Variants in KCNH7 observed in about 807,000 individuals in gnomAD.
KCNH7 encodes the protein voltage-gated inwardly rectifying potassium channel KCNH7.
In KCNH7, 49 loss-of-function variants were observed where a neutral mutation model predicts 120.8. The observed-to-expected ratio is 0.41, with a 90% CI of 0.32 to 0.51. The LOEUF is 0.51. KCNH7 is among the 20% of genes least tolerant of loss of function. The pLI, the probability that KCNH7 is intolerant of heterozygous loss-of-function variation, is 0.38. For missense variants in KCNH7, 1,097 were observed against 1,446.6 expected, an observed-to-expected ratio of 0.76 and a Z score of 3.92; for synonymous variants, 547 against 516.1, an observed-to-expected ratio of 1.06 and a Z score of -0.81.
intron 14 of KCNH7, among the ~76,000 whole-genome samples, chr2:162,378,062 G>A (rs2105398354): frequency 6.6e-6 from 1 of 152,280 alleles, no homozygotes; most frequent in African/African-American, 2.4e-5. Flanking sequence ...CTGATGAAAG[G>A]TCCAAGTCAG....
chr2:162,426,472 A>C (rs2105498812), intron 8 of KCNH7, among the ~76,000 whole-genome samples: 1 of 152,282 alleles, frequency 6.6e-6, no homozygotes, highest in South Asian at 2.1e-4. Context: ...TCCTTAACTC[A>C]GTATTTTTAG....
chr2:162,390,567 G>A (rs1686715549), intron 12 of KCNH7, among the ~76,000 whole-genome samples: 1 of 151,788 alleles, frequency 6.6e-6, no homozygotes, highest in Non-Finnish European at 1.5e-5. Context: ...GGTCATTGAA[G>A]CCTCATTTTT....
intron 2 of KCNH7, among the ~76,000 whole-genome samples, chr2:162,616,380 G>T (rs1261017097): frequency 6.6e-6 from 1 of 152,170 alleles, no homozygotes; most frequent in South Asian, 2.1e-4. Context: ...TAAATCACAC[G>T]ATTAATGTGC....
intron 2 of KCNH7, among the ~76,000 whole-genome samples, chr2:162,831,898 A>G (rs1368232724): frequency 6.6e-6 from 1 of 152,180 alleles, no homozygotes; most frequent in African/African-American, 2.4e-5. Flanking sequence ...AGTAACTGAT[A>G]AACAAAGCTC....
intron 6 of KCNH7, among the ~76,000 whole-genome samples, chr2:162,479,760 G>T (rs1264290832): frequency 6.6e-6 from 1 of 151,912 alleles, no homozygotes; most frequent in African/African-American, 2.4e-5. Context: ...AAGCTGAAGA[G>T]AAATAATATT....
chr2:162,540,366 A>T (rs951161962), intron 2 of KCNH7, among the ~76,000 whole-genome samples: 76 of 152,224 alleles, frequency 5.0e-4, no homozygotes, highest in African/African-American at 1.6e-3. Flanking sequence ...GCTAATTTTA[A>T]TAAAATTTTT....
Position 162,510,757 on chromosome 2 carries a change from G to T in KCNH7, c.913+1897C>A, listed in dbSNP as rs181958905. ...ATCTGGTATAGAAGCAAAGTCAAAA[G>T]AATTTAAAATGCACACTTGGGGGTT... On this transcript the variant is annotated intron_variant, in intron 5 of 15. Coordinates refer to ENST00000332142, the MANE Select transcript of KCNH7 (RefSeq NM_033272.4). Among the ~76,000 whole-genome samples the T allele has an allele frequency of 1.1e-4, 17 of 151,706 alleles. No homozygotes were observed. In the East Asian group the frequency reaches 3.1e-3, roughly 28 times the overall value.
chr2:162,456,703 T>G (rs1231077631), intron 6 of KCNH7, among the ~76,000 whole-genome samples: 3 of 152,170 alleles, frequency 2.0e-5, no homozygotes, highest in South Asian at 2.1e-4. Context: ...TGGGTGCATA[T>G]ATATTTAGGA....
At chr2:162,716,170 TCTTA>T (rs948158752) in intron 2 of KCNH7, among the ~76,000 whole-genome samples, 14 of 152,166 alleles carry the variant, frequency 9.2e-5, no homozygotes, top group African/African-American at 3.4e-4. Context: ...TATGATATTA[TCTTA>T]CTTACTATCA....
chr2:162,640,659 T>G (rs1211460224), intron 2 of KCNH7, among the ~76,000 whole-genome samples: 1 of 152,086 alleles, frequency 6.6e-6, no homozygotes, highest in Non-Finnish European at 1.5e-5. Flanking sequence ...TTCTTAGACT[T>G]GACACCCAAA....
intron 6 of KCNH7, among the ~76,000 whole-genome samples, chr2:162,477,452 T>C (rs548570101): frequency 6.6e-6 from 1 of 152,070 alleles, no homozygotes; most frequent in African/African-American, 2.4e-5. Flanking sequence ...AGAAAAAAAG[T>C]CAACAGGGTC....
At chr2:162,576,904 T>A (rs1693688639) in intron 2 of KCNH7, among the ~76,000 whole-genome samples, 1 of 144,164 alleles carries the variant, frequency 6.9e-6, no homozygotes, top group Non-Finnish European at 1.5e-5. Flanking sequence ...ATTCTTTTTC[T>A]TCTTTATTTA....
At chr2:162,720,910 C>T (rs990955505) in intron 2 of KCNH7, among the ~76,000 whole-genome samples, 3 of 152,230 alleles carry the variant, frequency 2.0e-5, no homozygotes, top group South Asian at 2.1e-4. Flanking sequence ...AGGCTCTACA[C>T]ACTTTTATTT....
chr2:162,717,280 A>G (rs6736615), intron 2 of KCNH7, among the ~76,000 whole-genome samples: 47,154 of 152,018 alleles, frequency 0.31, 11,559 homozygotes, highest in African/African-American at 0.66. Flanking sequence ...TCTATGAGAC[A>G]TTACTACTGC....
chr2:162,799,903 T>A (rs993893241), intron 2 of KCNH7, among the ~76,000 whole-genome samples: 2 of 151,562 alleles, frequency 1.3e-5, no homozygotes, highest in Non-Finnish European at 3.0e-5. Context: ...CTTATGGAAG[T>A]GTAAGAAAGG....
chr2:162,811,375 T>C (rs534719617), intron 2 of KCNH7, among the ~76,000 whole-genome samples: 5 of 151,986 alleles, frequency 3.3e-5, no homozygotes, highest in Non-Finnish European at 7.4e-5. Flanking sequence ...CCAGAGAAAG[T>C]ATATTTAACA....
intron 12 of KCNH7, 41 bp downstream of exon 12, chr2:162,394,348 C>G: frequency 1.8e-6 from 2 of 1,121,700 alleles, no homozygotes; most frequent in Non-Finnish European, 2.7e-6. Context: ...GGCTAATTAC[C>G]ACATGCTCTA....
At chr2:162,718,059 C>A (rs201664335) in intron 2 of KCNH7, among the ~76,000 whole-genome samples, 2 of 138,846 alleles carry the variant, frequency 1.4e-5, no homozygotes, top group South Asian at 2.3e-4. Context: ...TTTTTTTTTT[C>A]TTTAATCACA....
At chr2:162,598,162 A>G (rs1269504261) in intron 2 of KCNH7, among the ~76,000 whole-genome samples, 2 of 152,108 alleles carry the variant, frequency 1.3e-5, no homozygotes, top group African/African-American at 4.8e-5. Context: ...AACACTTTAC[A>G]CACAAGTTAA....
Sources: gnomAD v4.1 joint callset for allele counts (sites outside exome capture counted in the v4.1 genomes callset) on GRCh38, gnomAD v4.1.1 for gene constraint, MANE v1.5 for transcripts, NCBI Gene and HGNC (gene_info 2026-07-23, HGNC 2026-07-21) for gene names.